ABCB4: variants seen among roughly 807,000 people sequenced by gnomAD.
The protein encoded by ABCB4 is phosphatidylcholine translocator ABCB4.
In ABCB4, 76 loss-of-function variants were observed where a neutral mutation model predicts 145.7. The ratio of observed to expected loss-of-function variants is 0.52; its 90% CI spans 0.43 to 0.63. The LOEUF is 0.63. ABCB4 is among the 30% of genes least tolerant of loss of function. ABCB4 has a pLI of 0.00. For synonymous variants in ABCB4, 517 were observed against 566.8 expected (o/e 0.91, Z 1.25); for missense variants, 1,234 against 1,553.1 (o/e 0.79, Z 3.45).
chr7:87,431,052 A>G (rs1318620987), intron 15 of ABCB4, among the ~76,000 whole-genome samples: 2 of 152,178 alleles, frequency 1.3e-5, no homozygotes, highest in African/African-American at 2.4e-5. Context: ...GGCATTCCAT[A>G]TAACTCAGAG....
intron 6 of ABCB4, chr7:87,452,330 T>C (rs1811792499): frequency 5.5e-6 from 1 of 180,858 alleles, no homozygotes; most frequent in Admixed American, 5.5e-5. Context: ...AGCTGAAGTC[T>C]TGAAGTCTTT....
At chr7:87,440,517 A>G (rs1281814669) in intron 12 of ABCB4, 115 bp from the exon 13 acceptor site, 16 of 848,804 alleles carry the variant, frequency 1.9e-5, no homozygotes, top group South Asian at 1.8e-4. Flanking sequence ...GTTTAGAAAT[A>G]ATAATTAGAA....
intron 23 of ABCB4, among the ~76,000 whole-genome samples, chr7:87,410,547 A>G (rs1009067742): frequency 2.6e-5 from 4 of 152,234 alleles, no homozygotes; most frequent in African/African-American, 9.6e-5. Context: ...GGAAGCAGGA[A>G]TAATGTGACT....
Position 87,406,299 on chromosome 7 carries a change from T to A in ABCB4, c.3475A>T (p.Thr1159Ser), listed in dbSNP as rs1306084574. 1 of 1,614,030 alleles carries A rather than the reference T, an allele frequency of 6.2e-7. No homozygotes were observed. The highest frequency in any genetic ancestry group is 1.3e-5 in the African/African-American group (1 of 74,924). ...KAANIHPFIE[T>S]LPHKYETRVG... ...ACTCTTTAACTTACGTGGGGTAACG[T>A]CTCGATGAAAGGATGTATGTTGGCA... Residue 1159 changes from threonine to serine, a missense_variant, in exon 26 of 28, where the codon ACG becomes TCG. Thr to Ser is a moderately conservative substitution (Grantham distance 58). Transcript: ENST00000649586.
intron 20 of ABCB4, 109 bp from the exon 21 acceptor site, chr7:87,417,624 T>C (rs907683567): frequency 7.0e-6 from 6 of 856,500 alleles, no homozygotes; most frequent in Non-Finnish European, 9.7e-6. Flanking sequence ...CTGAGCTACA[T>C]TGGCTTACTT....
intron 3 of ABCB4, among the ~76,000 whole-genome samples, chr7:87,468,322 T>C (rs996822123): frequency 1.3e-5 from 2 of 152,078 alleles, no homozygotes; most frequent in African/African-American, 4.8e-5. Context: ...CCTCAACACA[T>C]ACACCCTCCC....
At chr7:87,473,996 C>A (rs1471040129) in intron 2 of ABCB4, among the ~76,000 whole-genome samples, 1 of 152,160 alleles carries the variant, frequency 6.6e-6, no homozygotes, top group African/African-American at 2.4e-5. Flanking sequence ...CTTTGGTCTG[C>A]TTTTATAAAA....
chr7:87,438,049 A>G (rs1651115403), intron 14 of ABCB4, among the ~76,000 whole-genome samples: 1 of 152,216 alleles, frequency 6.6e-6, no homozygotes, highest in Admixed American at 6.6e-5. Context: ...GTCATCTCCA[A>G]TAATTCTATT....
chr7:87,421,307 A>G (rs543250490), intron 18 of ABCB4, among the ~76,000 whole-genome samples: 2 of 152,298 alleles, frequency 1.3e-5, no homozygotes, highest in South Asian at 2.1e-4. Context: ...TTCCTTGTCC[A>G]GGACCAGACT....
intron 4 of ABCB4, among the ~76,000 whole-genome samples, chr7:87,460,013 T>TG (rs1375331467): frequency 6.6e-6 from 1 of 152,138 alleles, no homozygotes; most frequent in Non-Finnish European, 1.5e-5. Flanking sequence ...GTAGTTTCTT[T>TG]GATTTTTTTT....
the ABCB4 span, among the ~76,000 whole-genome samples, chr7:87,371,467 G>A: frequency 6.6e-6 from 1 of 152,044 alleles, no homozygotes; most frequent in Non-Finnish European, 1.5e-5. Context: ...GTTTCCATTT[G>A]TTGCTATAAC....
At chr7:87,470,707 G>T (rs1446516780) in intron 3 of ABCB4, among the ~76,000 whole-genome samples, 2 of 152,148 alleles carry the variant, frequency 1.3e-5, no homozygotes, top group East Asian at 3.8e-4. Flanking sequence ...TCATTAAAAA[G>T]TCAGGAAACA....
chr7:87,414,789 A>T (rs1808856996), intron 21 of ABCB4, among the ~76,000 whole-genome samples: 1 of 152,210 alleles, frequency 6.6e-6, no homozygotes, highest in South Asian at 2.1e-4. Flanking sequence ...AACAGATAGC[A>T]ATTACAAGAA....
rs778630876 is a variant in ABCB4, at chr7:87,440,280, G to A, written c.1479C>T (p.Gly493=). 4.3e-6 allele frequency: 7 copies of A among 1,613,880 alleles called. No individual in the cohort carries two copies. Among genetic ancestry groups the A allele is most frequent in the Non-Finnish European group, 5.9e-6 (7 of 1,180,008 alleles). Residue 493 remains glycine (G), a synonymous_variant, in exon 13 of 28, where the codon GGC becomes GGT. Transcript: ENST00000649586. ...STTIAENICY[G]RGNVTMDEIK... is the part of the protein sequence containing the mutation. The stretch of plus-strand genomic sequence containing the variant: ...TCTCATCCATGGTTACATTTCCACG[G>A]CCATAACAAATATTTTCAGCAATTG...
Position 87,452,760 on chromosome 7 carries a change from G to A in ABCB4, c.536+184C>T, listed in dbSNP as rs568488822. ...TCAAATAAACCTACTATGCACCTTG[G>A]GGGAAAGCCAACATGCAATGGCATA... On this transcript the variant is annotated intron_variant, in intron 6 of 27. Transcript: ENST00000649586. 5 of 694,098 alleles carry A rather than the reference G, an allele frequency of 7.2e-6. No individual in the cohort carries two copies. The Admixed American group carries it at 1.2e-4, about 17-fold the overall frequency. The allele number at this position is 694,098 out of a possible 1,614,324, so 43.0% of individuals were successfully genotyped here. A position where few individuals can be genotyped will look rare whatever the true frequency, so the allele number is the denominator to read the frequency against.
chr7:87,406,183 T>C, intron 26 of ABCB4, 105 bp downstream of exon 26: 5 of 1,208,580 alleles, frequency 4.1e-6, no homozygotes, highest in Non-Finnish European at 6.1e-6. Context: ...TTGTTAATGT[T>C]AGTAAATCAA....
At chr7:87,443,854 C>T in intron 10 of ABCB4, 81 bp from the exon 11 acceptor site, 1 of 1,044,722 alleles carries the variant, frequency 9.6e-7, no homozygotes, top group South Asian at 1.3e-5. Context: ...CAGCAAATTC[C>T]AAAAATAGGA....
chr7:87,472,604 A>G lies in ABCB4; in HGVS notation c.135+17T>C. The G allele has an allele frequency of 6.3e-7, 1 of 1,593,262 alleles. No homozygotes were observed. Among genetic ancestry groups the G allele is most frequent in the Admixed American group, 1.7e-5 (1 of 59,920 alleles). On this transcript the variant is annotated intron_variant, in intron 3 of 27. Transcript: ENST00000649586. The stretch of plus-strand genomic sequence containing the variant: ...ATAAAAGGTAGGATTATTCACATTT[A>G]ACATTTCACAGCTTACCAATGTTAA...
chr7:87,452,751 T>C (rs1293707246), intron 6 of ABCB4, 193 bp downstream of exon 6: 2 of 660,192 alleles, frequency 3.0e-6, no homozygotes, highest in African/African-American at 3.6e-5. Flanking sequence ...AAACCTACTA[T>C]GCACCTTGGG....
Sources: gnomAD v4.1 joint callset for allele counts (sites outside exome capture counted in the v4.1 genomes callset) on GRCh38, gnomAD v4.1.1 for gene constraint, MANE v1.5 for transcripts, NCBI Gene and HGNC (gene_info 2026-07-23, HGNC 2026-07-21) for gene names.